The following ARHGAP32 variants were observed in gnomAD, a reference collection of about 807,000 sequenced individuals.
The protein encoded by ARHGAP32 is rho GTPase-activating protein 32.
In ARHGAP32, 51 loss-of-function variants were observed where a neutral mutation model predicts 186.5. The ratio of observed to expected loss-of-function variants is 0.27; its 90% CI spans 0.22 to 0.35. The LOEUF is 0.35. Ranked by LOEUF, ARHGAP32 falls within the 10% of genes least tolerant of loss-of-function variation. The pLI is 1.00. For missense variants in ARHGAP32, 2,186 were observed against 2,623.5 expected (o/e 0.83, Z 3.64); for synonymous variants, 950 against 964.3 (o/e 0.99, Z 0.27).
intron 1 of ARHGAP32, among the ~76,000 whole-genome samples, chr11:129,215,598 C>CCA (rs2135598617): frequency 6.6e-6 from 1 of 152,238 alleles, no homozygotes; most frequent in South Asian, 2.1e-4. Flanking sequence ...CATTCCTTGG[C>CCA]TCATGACCCC....
At chr11:129,054,392 T>C (rs971797107) in intron 10 of ARHGAP32, among the ~76,000 whole-genome samples, 9 of 152,152 alleles carry the variant, frequency 5.9e-5, no homozygotes, top group African/African-American at 2.2e-4. Flanking sequence ...TCATGTTCTG[T>C]GCATAATAAT....
chr11:129,095,577 G>A (rs1166486607), intron 5 of ARHGAP32, among the ~76,000 whole-genome samples: 1 of 152,156 alleles, frequency 6.6e-6, no homozygotes, highest in Admixed American at 6.5e-5. Flanking sequence ...CCCTTGACTG[G>A]GAGCAGGGCA....
intron 12 of ARHGAP32, among the ~76,000 whole-genome samples, chr11:128,991,952 A>G (rs969495949): frequency 1.3e-5 from 2 of 151,886 alleles, no homozygotes; most frequent in African/African-American, 4.8e-5. Context: ...TCAATCATGT[A>G]TTTATTAAGT....
rs1054829458 is a variant in ARHGAP32 at position 129,058,196 on chromosome 11, C to T, written c.963+4084G>A. 7.8e-3 allele frequency among the ~76,000 whole-genome samples: 507 copies of T among 65,186 alleles called. 1 individual carries two copies. Among genetic ancestry groups the T allele is most frequent in the Non-Finnish European group, 0.014 (375 of 26,714 alleles). The allele number at this position is 65,186 out of a possible 152,430, so 42.8% of individuals were successfully genotyped here. A position where few individuals can be genotyped will look rare whatever the true frequency, so the allele number is the denominator to read the frequency against. ...TAACAGAAAAAAAAATATACACACA[C>T]ACACACACACACACACACACACACA... On this transcript the variant is annotated intron_variant, in intron 10 of 22. Coordinates refer to ENST00000682385, the MANE Select transcript of ARHGAP32 (RefSeq NM_001378024.1).
intron 11 of ARHGAP32, among the ~76,000 whole-genome samples, chr11:129,000,805 T>C (rs1946338995): frequency 6.6e-6 from 1 of 151,788 alleles, no homozygotes; most frequent in African/African-American, 2.4e-5. Context: ...CTGGTAACCA[T>C]CCTTCTACTC....
intron 11 of ARHGAP32, among the ~76,000 whole-genome samples, chr11:129,036,357 G>C (rs1285212400): frequency 9.2e-6 from 1 of 108,878 alleles, no homozygotes; most frequent in East Asian, 2.8e-4. Flanking sequence ...TCCAGCCTGG[G>C]CAACAAGAGC....
Position 129,093,711 on chromosome 11 carries a change from CA to C in ARHGAP32, c.445-5del, listed in dbSNP as rs1344535243. On this transcript the variant is annotated splice_region_variant and splice_polypyrimidine_tract_variant and intron_variant, in intron 5 of 22. Transcript: ENST00000682385. ...TCTGTTCTTCTGAAAGTGAAAGCTA[CA>C]TCACAGAAAAAAAAGAAGAGGGGGA... The C allele has an allele frequency of 2.5e-6, 4 of 1,575,772 alleles. No homozygotes were observed. The highest frequency in any genetic ancestry group is 3.5e-6 in the Non-Finnish European group (4 of 1,158,118).
At chr11:129,173,928 G>T (rs1284317851) in intron 1 of ARHGAP32, among the ~76,000 whole-genome samples, 1 of 152,110 alleles carries the variant, frequency 6.6e-6, no homozygotes, top group Admixed American at 6.5e-5. Context: ...AATTGGAAAA[G>T]AAAGAGGAGC....
chr11:129,050,328 C>G (rs1195370167), intron 10 of ARHGAP32, among the ~76,000 whole-genome samples: 1 of 152,194 alleles, frequency 6.6e-6, no homozygotes, highest in African/African-American at 2.4e-5. Flanking sequence ...CTCTTCCAAT[C>G]TTTGCCTATT....
intron 1 of ARHGAP32, among the ~76,000 whole-genome samples, chr11:129,244,199 A>G (rs1945056121): frequency 6.6e-6 from 1 of 152,200 alleles, no homozygotes; most frequent in Non-Finnish European, 1.5e-5. Flanking sequence ...CATTTTGCAG[A>G]TAAGAAAACT....
At chr11:129,238,913 C>T (rs935881411) in intron 1 of ARHGAP32, among the ~76,000 whole-genome samples, 3 of 152,130 alleles carry the variant, frequency 2.0e-5, no homozygotes. Flanking sequence ...CGGTTCACTG[C>T]AGCCTCGACC....
At chr11:129,033,411 T>C (rs1320355463) in intron 11 of ARHGAP32, among the ~76,000 whole-genome samples, 1 of 152,200 alleles carries the variant, frequency 6.6e-6, no homozygotes, top group Admixed American at 6.5e-5. Context: ...TTGCCAACCT[T>C]AGATATCATT....
At chr11:129,191,531 G>C (rs1450646319) in intron 1 of ARHGAP32, among the ~76,000 whole-genome samples, 1 of 152,052 alleles carries the variant, frequency 6.6e-6, no homozygotes, top group East Asian at 1.9e-4. Context: ...AACCAAGAGA[G>C]ATTTGGGGGA....
At chr11:128,980,498 T>A (rs1945676647) in intron 18 of ARHGAP32, 55 bp downstream of exon 18, 1 of 1,376,672 alleles carries the variant, frequency 7.3e-7, no homozygotes. Context: ...TAAAAGAAAA[T>A]AATAGGACAT....
chr11:129,205,727 C>T (rs1218363254), intron 1 of ARHGAP32, among the ~76,000 whole-genome samples: 1 of 152,084 alleles, frequency 6.6e-6, no homozygotes, highest in African/African-American at 2.4e-5. Context: ...TTTGGATCTA[C>T]TAAAATGTTT....
chr11:129,057,909 G>C (rs1410515829), intron 10 of ARHGAP32, among the ~76,000 whole-genome samples: 1 of 152,024 alleles, frequency 6.6e-6, no homozygotes, highest in African/African-American at 2.4e-5. Flanking sequence ...GCCATGTAAG[G>C]ACACGCAAGA....
chr11:129,248,143 T>G (rs1403556592), intron 1 of ARHGAP32, among the ~76,000 whole-genome samples: 1 of 149,872 alleles, frequency 6.7e-6, no homozygotes, highest in Non-Finnish European at 1.5e-5. Flanking sequence ...AAACCCCATC[T>G]CTACTAAAAA....
At chr11:129,113,139 C>T (rs1486912558) in intron 5 of ARHGAP32, among the ~76,000 whole-genome samples, 1 of 151,988 alleles carries the variant, frequency 6.6e-6, no homozygotes, top group East Asian at 1.9e-4. Context: ...GTATGAGTCT[C>T]GTGGTGTTAT....
chr11:129,271,350 T>A (rs539631899), intron 1 of ARHGAP32, among the ~76,000 whole-genome samples: 3 of 151,886 alleles, frequency 2.0e-5, no homozygotes, highest in African/African-American at 7.2e-5. Context: ...AGACTTAACA[T>A]GAGATGAGGA....
Sources: gnomAD v4.1 joint callset for allele counts (sites outside exome capture counted in the v4.1 genomes callset) on GRCh38, gnomAD v4.1.1 for gene constraint, MANE v1.5 for transcripts, NCBI Gene and HGNC (gene_info 2026-07-23, HGNC 2026-07-21) for gene names.